Variants in CEP126 observed in about 807,000 individuals in gnomAD.
The protein encoded by CEP126 is centrosomal protein 126, also known as centrosomal protein of 126 kDa.
A neutral mutation model predicts 107.8 loss-of-function variants in CEP126; 74 were observed. That is an observed-to-expected ratio of 0.69 (90% CI 0.57 to 0.83). The LOEUF (loss-of-function observed/expected upper bound fraction) is 0.83. CEP126 is among the 40% of genes least tolerant of loss of function. The probability of loss-of-function intolerance (pLI) is 0.00; values close to 1 mark genes in which losing one functional copy is unlikely to be tolerated. For missense variants in CEP126, 1,237 were observed against 1,281.9 expected (o/e 0.96, Z 0.53); for synonymous variants, 449 against 446.0 (o/e 1.01, Z -0.08).
intron 4 of CEP126, among the ~76,000 whole-genome samples, chr11:101,950,651 G>A (rs888043486): frequency 6.6e-6 from 1 of 152,186 alleles, no homozygotes; most frequent in Admixed American, 6.5e-5. Context: ...AATGAGTTAA[G>A]ATTTATCAGA....
intron 6 of CEP126, among the ~76,000 whole-genome samples, chr11:101,974,054 G>A (rs1351729796): frequency 6.6e-6 from 1 of 151,928 alleles, no homozygotes; most frequent in Non-Finnish European, 1.5e-5. Context: ...TTCCTTTATG[G>A]TTGCTGGTAT....
intron 6 of CEP126, among the ~76,000 whole-genome samples, chr11:101,975,480 A>G (rs562705095): frequency 2.6e-5 from 4 of 152,352 alleles, no homozygotes; most frequent in South Asian, 2.1e-4. Context: ...TTAGAGCCCA[A>G]CTAATTGGAG....
intron 2 of CEP126, among the ~76,000 whole-genome samples, chr11:101,941,689 A>G (rs943505020): frequency 3.3e-5 from 5 of 152,092 alleles, no homozygotes; most frequent in Non-Finnish European, 7.4e-5. Context: ...TGGTAATTCT[A>G]TGTTTAATTT....
At chr11:101,947,902 A>G (rs573011992) in intron 3 of CEP126, 129 bp from the exon 4 acceptor site, 3 of 422,310 alleles carry the variant, frequency 7.1e-6, no homozygotes, top group African/African-American at 6.0e-5. Flanking sequence ...TATTTACACT[A>G]TTCTGAAAAT....
chr11:101,963,778 GA>G lies in CEP126; in HGVS notation c.2745del (p.Glu916LysfsTer6). 6.2e-7 allele frequency: 1 copy of G among 1,614,150 alleles called. No individual in the cohort carries two copies. Among genetic ancestry groups the G allele is most frequent in the Non-Finnish European group, 8.5e-7 (1 of 1,180,020 alleles). On this transcript the variant is annotated frameshift_variant, in exon 6 of 11. Coordinates refer to ENST00000263468, the MANE Select transcript of CEP126 (RefSeq NM_020802.4). LOFTEE classifies it high-confidence loss of function. ...TTGCACCCAAAGAAGTCCTGTTTGT[GA>G]AGAAAGTTATCCGTCTGTGACTCTA... is the stretch of plus-strand genomic sequence containing the variant. ...LYCTQRSPVC[E>X]ESYPSVTLRT...
chr11:101,916,173 G>A (rs1940207721), intron 1 of CEP126: 1 of 152,242 alleles, frequency 6.6e-6, no homozygotes, highest in Non-Finnish European at 1.5e-5. Flanking sequence ...CAATGATGGT[G>A]TTGTGTAATC....
chr11:101,958,109 T>C, intron 4 of CEP126, 59 bp from the exon 5 acceptor site: 2 of 1,426,970 alleles, frequency 1.4e-6, no homozygotes, highest in Non-Finnish European at 2.0e-6. Context: ...TGTATATACA[T>C]ATAGAAAGAA....
At chr11:101,956,388 C>T in intron 4 of CEP126, 1 of 456,350 alleles carries the variant, frequency 2.2e-6, no homozygotes, top group Non-Finnish European at 4.4e-6. Context: ...CCTGCACATC[C>T]TGCTAGCTTG....
intron 2 of CEP126, among the ~76,000 whole-genome samples, chr11:101,941,797 C>T (rs868126190): frequency 1.3e-5 from 2 of 152,054 alleles, no homozygotes; most frequent in African/African-American, 4.8e-5. Context: ...TCCTTACTAA[C>T]AGTTCCTATT....
At chr11:101,956,623 C>T (rs1437704804) in intron 4 of CEP126, 1 of 456,166 alleles carries the variant, frequency 2.2e-6, no homozygotes, top group African/African-American at 2.0e-5. Context: ...CTTCGACTTC[C>T]TGTTCTACTT....
intron 10 of CEP126, among the ~76,000 whole-genome samples, chr11:101,995,906 T>A (rs1372801481): frequency 6.6e-6 from 1 of 152,250 alleles, no homozygotes; most frequent in African/African-American, 2.4e-5. Context: ...GAAACTTTGC[T>A]ACATTCTAAA....
chr11:101,953,674 A>G (rs1449480254), intron 4 of CEP126, among the ~76,000 whole-genome samples: 2 of 152,158 alleles, frequency 1.3e-5, no homozygotes, highest in African/African-American at 4.8e-5. Context: ...CTATTTTTGC[A>G]ATTACTAGGT....
chr11:101,949,605 G>A (rs1293726648), intron 4 of CEP126, among the ~76,000 whole-genome samples: 1 of 152,162 alleles, frequency 6.6e-6, no homozygotes, highest in African/African-American at 2.4e-5. Context: ...GGAGAGGTCA[G>A]TATCATGAAA....
intron 2 of CEP126, among the ~76,000 whole-genome samples, chr11:101,934,013 A>G (rs1940541026): frequency 6.6e-6 from 1 of 152,088 alleles, no homozygotes; most frequent in Non-Finnish European, 1.5e-5. Flanking sequence ...TATCATGGAA[A>G]GTGTGAAGAT....
chr11:101,932,062 T>C (rs895191599), intron 2 of CEP126, among the ~76,000 whole-genome samples: 2 of 152,170 alleles, frequency 1.3e-5, no homozygotes, highest in Non-Finnish European at 2.9e-5. Context: ...CCAGGGTAAA[T>C]AGGAAGCAAA....
chr11:101,920,760 C>T (rs1214343798), intron 1 of CEP126, among the ~76,000 whole-genome samples: 1 of 152,038 alleles, frequency 6.6e-6, no homozygotes. Context: ...CATACACCAC[C>T]ACACCTGGCT....
chr11:101,978,632 A>G (rs1344066695), intron 7 of CEP126, among the ~76,000 whole-genome samples, 173 bp downstream of exon 7: 1 of 152,214 alleles, frequency 6.6e-6, no homozygotes, highest in East Asian at 1.9e-4. Context: ...AGATTATTCC[A>G]CTATACCTAC....
At chr11:101,989,642 A>G (rs1373408021) in intron 9 of CEP126, among the ~76,000 whole-genome samples, 1 of 152,150 alleles carries the variant, frequency 6.6e-6, no homozygotes, top group Non-Finnish European at 1.5e-5. Flanking sequence ...TCACATCACA[A>G]CCAAGCAGCC....
rs1349849445 is a variant in CEP126, at chr11:101,938,077, C to T, written c.249-6188C>T. Among the ~76,000 whole-genome samples the T allele has an allele frequency of 5.5e-5, 8 of 145,900 alleles. No individual in the cohort carries two copies. The South Asian group carries it at 8.7e-4, about 16-fold the overall frequency. ...CTGAGGCAGGAGAATGGCGTGAACC[C>T]GGGAAGCGGAGCTTGCAGTGAGCCG... On this transcript the variant is annotated intron_variant, in intron 2 of 10. Coordinates refer to ENST00000263468, the MANE Select transcript of CEP126 (RefSeq NM_020802.4).
Sources: allele counts gnomAD v4.1 joint callset (sites outside exome capture counted in the v4.1 genomes callset), GRCh38; gene constraint gnomAD v4.1.1; transcripts MANE v1.5; gene names NCBI Gene and HGNC (gene_info 2026-07-23, HGNC 2026-07-21).